FAM120B: variants seen among roughly 807,000 people sequenced by gnomAD.
FAM120B encodes family with sequence similarity 120 member B, also known as constitutive coactivator of peroxisome proliferator-activated receptor gamma.
Under a neutral mutation model 96.3 loss-of-function variants are expected in FAM120B, and 83 were observed. The observed-to-expected ratio is 0.86, with a 90% CI of 0.72 to 1.03. The LOEUF is 1.03. FAM120B is among the 50% of genes least tolerant of loss of function. The pLI, the probability that FAM120B is intolerant of heterozygous loss-of-function variation, is 0.00. For missense variants in FAM120B, 1,027 were observed against 1,121.2 expected (o/e 0.92, Z 1.20); for synonymous variants, 407 against 402.7 (o/e 1.01, Z -0.13).
intron 8 of FAM120B, among the ~76,000 whole-genome samples, chr6:170,391,661 C>G (rs1423864860): frequency 6.6e-6 from 1 of 152,188 alleles, no homozygotes; most frequent in Non-Finnish European, 1.5e-5. Flanking sequence ...GTGTAACCTC[C>G]TTTCTAGGGT....
At position 170,388,370 on chromosome 6, in the gene FAM120B, A is replaced by G. The variant is rs749824908; in HGVS notation, c.2367A>G (p.Ala789=). Residue 789 remains alanine (A), a synonymous_variant, in exon 7 of 11, where the codon GCA becomes GCG. Coordinates refer to ENST00000476287, the MANE Select transcript of FAM120B (RefSeq NM_032448.3). ...GLTTLVLVNS[A]CGFPWKTSDF... Reference sequence around the variant, plus strand: ...CCACTCTGGTTTTAGTCAACAGCGCATGTGGCTTCCCCTGGAAGACGAGTG... The same window carrying G: ...CCACTCTGGTTTTAGTCAACAGCGCGTGTGGCTTCCCCTGGAAGACGAGTG... 4.5e-5 allele frequency: 72 copies of G among 1,614,006 alleles called. No individual in the cohort carries two copies. In the East Asian group the frequency reaches 1.2e-3, roughly 26 times the overall value.
chr6:170,374,262 A>G (rs768070473), intron 6 of FAM120B, among the ~76,000 whole-genome samples: 1 of 152,194 alleles, frequency 6.6e-6, no homozygotes, highest in Non-Finnish European at 1.5e-5. Context: ...ATTTGATCAT[A>G]TGTGTAATTC....
chr6:170,400,614 A>G (rs1210875115), intron 9 of FAM120B, among the ~76,000 whole-genome samples: 2 of 152,138 alleles, frequency 1.3e-5, no homozygotes, highest in Non-Finnish European at 2.9e-5. Flanking sequence ...CGGCACCTCC[A>G]CAGCACCAGC....
At chr6:170,382,319 G>A (rs1789954849) in intron 6 of FAM120B, among the ~76,000 whole-genome samples, 1 of 152,132 alleles carries the variant, frequency 6.6e-6, no homozygotes, top group Non-Finnish European at 1.5e-5. Context: ...GGGAGGGATT[G>A]TTTGAGCCAG....
In FAM120B at chr6:170,365,683, G is replaced by A. The variant is rs892457331; in HGVS notation, c.2283+7365G>A. Reference sequence around the variant, plus strand: ...GGCAGTGGTAGAGAGGCATGAGCACGGGCCTCCTGACACACACACACACCC... The same window carrying A: ...GGCAGTGGTAGAGAGGCATGAGCACAGGCCTCCTGACACACACACACACCC... On this transcript the variant is annotated intron_variant, in intron 6 of 10. Coordinates refer to ENST00000476287, the MANE Select transcript of FAM120B (RefSeq NM_032448.3). 4.6e-5 allele frequency among the ~76,000 whole-genome samples: 7 copies of A among 152,162 alleles called. No individual in the cohort carries two copies. The East Asian group carries it at 5.8e-4, about 13-fold the overall frequency.
upstream of FAM120B, chr6:170,291,064 C>T (rs1447981678): frequency 1.4e-6 from 1 of 701,840 alleles, no homozygotes; most frequent in Admixed American, 2.0e-5. Flanking sequence ...CTCAATGGAT[C>T]GCCAAATGGT....
intron 6 of FAM120B, among the ~76,000 whole-genome samples, chr6:170,377,960 A>G (rs192729248): frequency 7.1e-6 from 1 of 140,988 alleles, no homozygotes; most frequent in Non-Finnish European, 1.6e-5. Flanking sequence ...AAACCCTTAG[A>G]ACAGAGCAGT....
chr6:170,335,372 G>A (rs936267356), intron 4 of FAM120B, among the ~76,000 whole-genome samples: 3 of 152,084 alleles, frequency 2.0e-5, no homozygotes, highest in Non-Finnish European at 4.4e-5. Flanking sequence ...CCATGTCCCT[G>A]CAAAGGACAT....
chr6:170,404,589 A>G lies in FAM120B; in HGVS notation c.2732A>G (p.Ter911TrpextTer71). 1 of 1,613,338 alleles carries G rather than the reference A, an allele frequency of 6.2e-7. No homozygotes were observed. The highest frequency in any genetic ancestry group is 1.1e-5 in the South Asian group (1 of 91,060). The change falls in exon 10 of 11, where the codon TAG becomes TGG. Residue 911 changes from the stop codon to tryptophan (W), a stop_lost. Coordinates refer to ENST00000476287, the MANE Select transcript of FAM120B (RefSeq NM_032448.3). ...GAGCATGACCAGTGGAGAAGGTACT[A>G]GTCAACCTCCAGGTAAGTTCATCAC... ...QYEHDQWRRY[*>W]
rs1778782113 is a variant in FAM120B at position 170,405,750 on chromosome 6, AGACAT to A, written c.*1004_*1008del. The A allele has an allele frequency of 6.6e-6, 1 of 152,166 alleles. No individual in the cohort carries two copies. The highest frequency in any genetic ancestry group is 2.4e-5 in the African/African-American group (1 of 41,430). 9.4% of individuals were successfully genotyped at this position (152,166 alleles called of 1,614,324 possible). A position where few individuals can be genotyped will look rare whatever the true frequency, so the allele number is the denominator to read the frequency against. ...TTCTGCCTGGAGGGTTCTGCCTGGG[AGACAT>A]GACAGCATGTGTGTGACTCCTGTGT... is the stretch of plus-strand genomic sequence containing the variant. On this transcript the variant is annotated 3_prime_UTR_variant, in exon 11 of 11. Transcript: ENST00000476287.
chr6:170,349,671 A>G (rs139134002), intron 5 of FAM120B, among the ~76,000 whole-genome samples: 1 of 152,320 alleles, frequency 6.6e-6, no homozygotes, highest in African/African-American at 2.4e-5. Flanking sequence ...TTAATGTAGG[A>G]TGGCAGGAAC....
At chr6:170,298,293 A>G (rs1047717122) in intron 1 of FAM120B, 2 of 152,246 alleles carry the variant, frequency 1.3e-5, no homozygotes, top group Non-Finnish European at 2.9e-5. Flanking sequence ...CAGAGGGGAA[A>G]AAAAAGAAGG....
upstream of FAM120B, among the ~76,000 whole-genome samples, chr6:170,293,648 TTCC>T (rs963587392): frequency 6.6e-6 from 1 of 151,960 alleles, no homozygotes; most frequent in African/African-American, 2.4e-5. Context: ...CTCCCTCTCC[TTCC>T]TCCTCCTCCT....
upstream of FAM120B, among the ~76,000 whole-genome samples, chr6:170,305,782 T>C (rs1784259521): frequency 6.6e-6 from 1 of 152,238 alleles, no homozygotes; most frequent in Admixed American, 6.5e-5. Flanking sequence ...AAGGCGGAAC[T>C]GCAGCTAGAG....
intron 1 of FAM120B, among the ~76,000 whole-genome samples, chr6:170,308,418 T>C (rs1784411311): frequency 6.6e-6 from 1 of 152,188 alleles, no homozygotes; most frequent in African/African-American, 2.4e-5. Context: ...CCAGACATAC[T>C]GAAATCTCTG....
At chr6:170,321,241 A>G (rs1785266891) in intron 2 of FAM120B, among the ~76,000 whole-genome samples, 1 of 152,248 alleles carries the variant, frequency 6.6e-6, no homozygotes, top group African/African-American at 2.4e-5. Flanking sequence ...ACAGGCAACT[A>G]AAATTCAAAC....
chr6:170,290,897 G>T (rs1024177595), upstream of FAM120B: 1 of 692,550 alleles, frequency 1.4e-6, no homozygotes, highest in African/African-American at 1.8e-5. The surrounding 1 kb of genome is among the most constrained non-coding windows in gnomAD (Gnocchi z 4.7). Flanking sequence ...CCTCGGCCGG[G>T]TCGGGTCTCC....
intron 6 of FAM120B, among the ~76,000 whole-genome samples, chr6:170,379,226 A>G (rs559627281): frequency 6.6e-6 from 1 of 152,376 alleles, no homozygotes; most frequent in African/African-American, 2.4e-5. Flanking sequence ...ACTGAAGTTT[A>G]TCATTTCCTT....
upstream of FAM120B, among the ~76,000 whole-genome samples, chr6:170,291,789 G>A (rs908364866): frequency 1.3e-5 from 2 of 152,072 alleles, no homozygotes; most frequent in African/African-American, 2.4e-5. Flanking sequence ...GTAGGGGCCC[G>A]GGGGCCGGAC....
Sources: gnomAD v4.1 joint callset for allele counts (sites outside exome capture counted in the v4.1 genomes callset) on GRCh38, gnomAD v4.1.1 for gene constraint, Gnocchi (gnomAD v3.1) non-coding constraint, MANE v1.5 for transcripts, NCBI Gene and HGNC (gene_info 2026-07-23, HGNC 2026-07-21) for gene names.